IQCM: variants seen among roughly 807,000 people sequenced by gnomAD.
IQCM encodes IQ domain-containing protein M.
IQCM carries 45 observed loss-of-function variants against 57.6 expected under a neutral mutation model. The observed-to-expected ratio is 0.78, with a 90% CI of 0.62 to 1.00. The LOEUF is 1.00. Ranked by LOEUF, IQCM falls within the 50% of genes least tolerant of loss-of-function variation. The pLI, the probability that IQCM is intolerant of heterozygous loss-of-function variation, is 0.00. For synonymous variants in IQCM, 148 were observed against 158.9 expected, an observed-to-expected ratio of 0.93 and a Z score of 0.51; for missense variants, 468 against 511.6, an observed-to-expected ratio of 0.91 and a Z score of 0.82.
intron 13 of IQCM, among the ~76,000 whole-genome samples, chr4:149,432,486 T>C (rs1375626608): frequency 6.6e-6 from 1 of 152,030 alleles, no homozygotes; most frequent in Non-Finnish European, 1.5e-5. Context: ...TTGAGCCATA[T>C]ACAAAAATTA....
At chr4:149,714,415 G>A (rs1178409727) in intron 5 of IQCM, among the ~76,000 whole-genome samples, 1 of 152,046 alleles carries the variant, frequency 6.6e-6, no homozygotes, top group Non-Finnish European at 1.5e-5. Flanking sequence ...GGTATCTCAG[G>A]TTGATAACTG....
chr4:149,648,870 A>G (rs1280816607), intron 7 of IQCM, among the ~76,000 whole-genome samples: 1 of 152,186 alleles, frequency 6.6e-6, no homozygotes, highest in Admixed American at 6.5e-5. Context: ...CACGTTGTGC[A>G]CATGTACCCT....
At chr4:149,598,832 C>A (rs1316022722) in intron 8 of IQCM, among the ~76,000 whole-genome samples, 2 of 152,114 alleles carry the variant, frequency 1.3e-5, no homozygotes, top group Non-Finnish European at 2.9e-5. Flanking sequence ...AAAAGTTGAA[C>A]CTATGCTCAC....
intron 12 of IQCM, among the ~76,000 whole-genome samples, chr4:149,460,448 G>A (rs531047054): frequency 2.6e-4 from 39 of 152,212 alleles, no homozygotes; most frequent in Admixed American, 4.6e-4. Flanking sequence ...AGAAACAGAT[G>A]AGGACATATA....
chr4:149,780,601 T>C (rs1019540409), intron 2 of IQCM, among the ~76,000 whole-genome samples: 4 of 151,876 alleles, frequency 2.6e-5, no homozygotes, highest in African/African-American at 9.7e-5. Flanking sequence ...CCCTGAAACT[T>C]ACTGGTAAAA....
chr4:149,486,751 A>C (rs1322989752), intron 12 of IQCM, among the ~76,000 whole-genome samples: 1 of 152,056 alleles, frequency 6.6e-6, no homozygotes, highest in African/African-American at 2.4e-5. Flanking sequence ...GTCTCCAAAA[A>C]CAAACAAACA....
chr4:149,516,074 A>G (rs1488264818), intron 12 of IQCM, among the ~76,000 whole-genome samples: 18 of 152,184 alleles, frequency 1.2e-4, no homozygotes, highest in Non-Finnish European at 1.5e-5. Context: ...GCTCAGCAAC[A>G]CAGACTTCTG....
At chr4:149,577,551 C>T (rs1579557626) in intron 9 of IQCM, among the ~76,000 whole-genome samples, 1 of 151,890 alleles carries the variant, frequency 6.6e-6, no homozygotes, top group Non-Finnish European at 1.5e-5. Context: ...AGGTGTGCGG[C>T]TTTATTTCTG....
At chr4:149,365,528 T>A (rs1729771450) in intron 13 of IQCM, among the ~76,000 whole-genome samples, 1 of 152,122 alleles carries the variant, frequency 6.6e-6, no homozygotes, top group South Asian at 2.1e-4. Flanking sequence ...TAGACTTAGT[T>A]ATGTGCTTTC....
intron 7 of IQCM, among the ~76,000 whole-genome samples, chr4:149,669,637 T>G (rs1445346229): frequency 2.0e-5 from 3 of 152,182 alleles, no homozygotes; most frequent in South Asian, 4.1e-4. Flanking sequence ...TTAATCCATC[T>G]TGAATTAATT....
chr4:149,360,267 A>T (rs917476982), intron 13 of IQCM, among the ~76,000 whole-genome samples: 1 of 152,204 alleles, frequency 6.6e-6, no homozygotes. Flanking sequence ...AAAAGCAAAA[A>T]TTAAAAAATG....
chr4:149,482,327 T>C (rs1423947888), intron 12 of IQCM, among the ~76,000 whole-genome samples: 3 of 152,024 alleles, frequency 2.0e-5, no homozygotes, highest in Admixed American at 2.0e-4. Context: ...TGAATAACAG[T>C]GGTGAAAGTA....
At chr4:149,660,431 T>C (rs1579894428) in intron 7 of IQCM, among the ~76,000 whole-genome samples, 2 of 151,680 alleles carry the variant, frequency 1.3e-5, no homozygotes, top group Admixed American at 6.6e-5. Flanking sequence ...TGGCGATTCC[T>C]CAGGGATCTA....
intron 12 of IQCM, among the ~76,000 whole-genome samples, chr4:149,517,366 A>T (rs1212495934): frequency 1.3e-5 from 2 of 152,142 alleles, no homozygotes; most frequent in African/African-American, 2.4e-5. Context: ...GTGACATAAG[A>T]TTTATTGACT....
intron 8 of IQCM, among the ~76,000 whole-genome samples, chr4:149,617,779 C>T (rs187740881): frequency 2.9e-4 from 44 of 151,986 alleles, no homozygotes; most frequent in Middle Eastern, 6.8e-3. Flanking sequence ...AAAAAAAACA[C>T]TGAGGAATAC....
intron 12 of IQCM, among the ~76,000 whole-genome samples, chr4:149,486,829 C>A (rs1017100267): frequency 1.3e-5 from 2 of 152,094 alleles, no homozygotes; most frequent in Non-Finnish European, 2.9e-5. Flanking sequence ...CCCTTCAGGG[C>A]AGTGGGCTCC....
intron 5 of IQCM, among the ~76,000 whole-genome samples, chr4:149,688,437 C>T (rs1762707176): frequency 6.6e-6 from 1 of 151,974 alleles, no homozygotes. Context: ...AAAAACACTG[C>T]TGAAAGAAAT....
chr4:149,759,420 T>A (rs530966204), intron 2 of IQCM, among the ~76,000 whole-genome samples: 1 of 152,288 alleles, frequency 6.6e-6, no homozygotes, highest in East Asian at 1.9e-4. Flanking sequence ...GCAATAATAA[T>A]GTGTCAATAT....
intron 12 of IQCM, among the ~76,000 whole-genome samples, chr4:149,456,168 A>G (rs182097379): frequency 2.6e-5 from 4 of 151,992 alleles, no homozygotes; most frequent in Admixed American, 6.6e-5. Context: ...TTTGTGAATG[A>G]AGAGTGGAGA....
Sources: allele counts gnomAD v4.1 joint callset (sites outside exome capture counted in the v4.1 genomes callset), GRCh38; gene constraint gnomAD v4.1.1; transcripts MANE v1.5; gene names NCBI Gene and HGNC (gene_info 2026-07-23, HGNC 2026-07-21).